MTUS2: variants seen among roughly 807,000 people sequenced by gnomAD.
MTUS2 encodes the protein microtubule associated scaffold protein 2, also known as microtubule-associated tumor suppressor candidate 2.
MTUS2 carries 40 observed loss-of-function variants against 114.1 expected under a neutral mutation model. The observed-to-expected ratio is 0.35, with a 90% CI of 0.27 to 0.46. MTUS2 has a LOEUF of 0.46. Ranked by LOEUF, MTUS2 falls within the 20% of genes least tolerant of loss-of-function variation. The pLI, the probability that MTUS2 is intolerant of heterozygous loss-of-function variation, is 1.00. For missense variants in MTUS2, 1,679 were observed against 1,705.4 expected, an observed-to-expected ratio of 0.98 and a Z score of 0.27; for synonymous variants, 688 against 672.0, an observed-to-expected ratio of 1.02 and a Z score of -0.37.
chr13:29,394,351 G>A lies in MTUS2; in HGVS notation c.3117+34878G>A, dbSNP rs138252460. Among the ~76,000 whole-genome samples the A allele has an allele frequency of 3.1e-3, 468 of 152,216 alleles. 1 individual carries two copies. Among genetic ancestry groups the A allele is most frequent in the African/African-American group, 0.011 (449 of 41,558 alleles). On this transcript the variant is annotated intron_variant, in intron 8 of 15. Coordinates refer to ENST00000612955, the MANE Select transcript of MTUS2 (RefSeq NM_001033602.4). ...TTGGTCCAGAAAGGTGGGACAACTA[G>A]AAGCAGAGGGGAGGGGAGGCTTCCA...
intron 5 of MTUS2, among the ~76,000 whole-genome samples, chr13:29,198,978 G>A (rs1005708514): frequency 6.6e-6 from 1 of 152,092 alleles, no homozygotes; most frequent in African/African-American, 2.4e-5. Flanking sequence ...CTGAGATGAT[G>A]GGGTTTTCTA....
intron 2 of MTUS2, among the ~76,000 whole-genome samples, chr13:28,996,420 G>A (rs1405528866): frequency 3.3e-5 from 5 of 152,164 alleles, no homozygotes; most frequent in Admixed American, 1.3e-4. Context: ...CATAAAATGA[G>A]TTAGGGAGGA....
At chr13:28,918,271 G>A (rs1003803739) in intron 2 of MTUS2, among the ~76,000 whole-genome samples, 1 of 151,926 alleles carries the variant, frequency 6.6e-6, no homozygotes, top group East Asian at 1.9e-4. Context: ...TGAAAATGGG[G>A]TATTGAAGTC....
intron 8 of MTUS2, among the ~76,000 whole-genome samples, chr13:29,374,792 G>A (rs556434619): frequency 8.6e-4 from 131 of 152,128 alleles, no homozygotes; most frequent in African/African-American, 3.1e-3. Flanking sequence ...AGCTACTCGG[G>A]AGGCTGACCT....
intron 4 of MTUS2, among the ~76,000 whole-genome samples, chr13:29,037,261 C>T (rs189527043): frequency 2.0e-4 from 31 of 152,294 alleles, no homozygotes; most frequent in Admixed American, 1.8e-3. Flanking sequence ...ATTTCTCCTT[C>T]GCTTATGAAG....
At chr13:28,943,861 G>T (rs1180459682) in intron 2 of MTUS2, among the ~76,000 whole-genome samples, 1 of 152,124 alleles carries the variant, frequency 6.6e-6, no homozygotes, top group African/African-American at 2.4e-5. Context: ...TCTAGGGGAT[G>T]CTCAGGAGTG....
At chr13:29,262,051 C>A (rs944200041) in intron 5 of MTUS2, among the ~76,000 whole-genome samples, 2 of 152,314 alleles carry the variant, frequency 1.3e-5, no homozygotes, top group African/African-American at 4.8e-5. Context: ...TTTCCCAAAT[C>A]AAAAGAAAGC....
chr13:29,451,102 G>A (rs1165213738), intron 9 of MTUS2, among the ~76,000 whole-genome samples: 2 of 152,096 alleles, frequency 1.3e-5, no homozygotes, highest in African/African-American at 2.4e-5. Context: ...CCTTACTGAC[G>A]TTACAGAATG....
At chr13:29,389,363 G>GCACGTGTGTGTATATATGTATA (rs1566172614) in intron 8 of MTUS2, among the ~76,000 whole-genome samples, 4 of 57,514 alleles carry the variant, frequency 7.0e-5, no homozygotes, top group African/African-American at 3.6e-4. Context: ...ATATATGTAT[G>GCACGTGTGTGTATATATGTATA]CACGTGTGTG....
intron 8 of MTUS2, among the ~76,000 whole-genome samples, chr13:29,416,725 C>G (rs891559626): frequency 1.3e-5 from 2 of 152,042 alleles, no homozygotes; most frequent in African/African-American, 2.4e-5. Flanking sequence ...TTTCGTTGAG[C>G]TTTTTGTCTG....
At chr13:28,899,923 C>T (rs928416295) in intron 2 of MTUS2, among the ~76,000 whole-genome samples, 2 of 151,186 alleles carry the variant, frequency 1.3e-5, no homozygotes, top group African/African-American at 4.9e-5. Flanking sequence ...AAAAGTACTC[C>T]ATCACCCAGG....
At chr13:28,960,129 CA>C (rs1008870759) in intron 2 of MTUS2, among the ~76,000 whole-genome samples, 3 of 151,962 alleles carry the variant, frequency 2.0e-5, no homozygotes, top group African/African-American at 7.3e-5. Flanking sequence ...CAATAACACA[CA>C]AAAAAATGCT....
chr13:29,191,314 T>A (rs367628443), intron 5 of MTUS2, among the ~76,000 whole-genome samples: 77 of 151,942 alleles, frequency 5.1e-4, no homozygotes, highest in Middle Eastern at 6.8e-3. Context: ...TACCATTTTT[T>A]TATATATATA....
intron 5 of MTUS2, among the ~76,000 whole-genome samples, chr13:29,174,932 G>C (rs894744562): frequency 6.6e-6 from 1 of 152,160 alleles, no homozygotes; most frequent in Non-Finnish European, 1.5e-5. Flanking sequence ...AATTGAAGCA[G>C]TTCGCTATTC....
chr13:29,289,684 C>T (rs1898629684), intron 6 of MTUS2, among the ~76,000 whole-genome samples: 1 of 151,968 alleles, frequency 6.6e-6, no homozygotes, highest in African/African-American at 2.4e-5. Context: ...CCAGGCTGGT[C>T]TTGAACTACT....
intron 2 of MTUS2, among the ~76,000 whole-genome samples, chr13:28,993,541 A>C (rs888978707): frequency 7.2e-5 from 11 of 152,082 alleles, no homozygotes; most frequent in Non-Finnish European, 1.5e-4. Context: ...CTTATATTTG[A>C]GGTCTTATGT....
chr13:29,132,186 G>T (rs886283389), intron 5 of MTUS2, among the ~76,000 whole-genome samples: 6 of 152,146 alleles, frequency 3.9e-5, no homozygotes, highest in Admixed American at 6.5e-5. Context: ...TTTTTTATGG[G>T]ATAAAGTAAA....
intron 2 of MTUS2, among the ~76,000 whole-genome samples, chr13:28,877,738 A>G (rs373765967): frequency 2.0e-4 from 30 of 152,320 alleles, no homozygotes; most frequent in African/African-American, 7.0e-4. Context: ...GTAATATGGG[A>G]TATGTATATT....
intron 8 of MTUS2, among the ~76,000 whole-genome samples, chr13:29,363,175 T>C (rs957601017): frequency 6.6e-6 from 1 of 152,188 alleles, no homozygotes; most frequent in East Asian, 1.9e-4. Flanking sequence ...CCCGTAATGC[T>C]ACTCTTTAGC....
Sources: allele counts gnomAD v4.1 joint callset (sites outside exome capture counted in the v4.1 genomes callset), GRCh38; gene constraint gnomAD v4.1.1; transcripts MANE v1.5; gene names NCBI Gene and HGNC (gene_info 2026-07-23, HGNC 2026-07-21).